Variants in CSMD1 observed in about 807,000 individuals in gnomAD.
CSMD1 encodes the protein CUB and sushi domain-containing protein 1.
CSMD1 carries 213 observed loss-of-function variants against 417.5 expected under a neutral mutation model. That is an observed-to-expected ratio of 0.51 (90% CI 0.46 to 0.57). The LOEUF (loss-of-function observed/expected upper bound fraction) is 0.57. Ranked by LOEUF, CSMD1 falls within the 20% of genes least tolerant of loss-of-function variation. CSMD1 has a pLI of 0.00. For missense variants in CSMD1, 6,923 were observed against 4,529.7 expected (o/e 1.53, Z -15.17); for synonymous variants, 2,862 against 1,736.8 (o/e 1.65, Z -16.11).
At chr8:4,322,271 T>C (rs1799311531) in intron 3 of CSMD1, among the ~76,000 whole-genome samples, 1 of 152,194 alleles carries the variant, frequency 6.6e-6, no homozygotes, top group South Asian at 2.1e-4. Flanking sequence ...AGTTTAAACA[T>C]AAGTGAGACC....
At chr8:4,427,631 T>C (rs998145235) in intron 2 of CSMD1, among the ~76,000 whole-genome samples, 24 of 152,304 alleles carry the variant, frequency 1.6e-4, no homozygotes, top group African/African-American at 5.5e-4. Context: ...TTCCATGTAA[T>C]AATTACATTA....
intron 10 of CSMD1, among the ~76,000 whole-genome samples, chr8:3,571,697 T>G (rs1799949318): frequency 6.6e-6 from 1 of 152,024 alleles, no homozygotes; most frequent in Non-Finnish European, 1.5e-5. Context: ...TCCCCATGCT[T>G]GAGGGTCTTG....
At chr8:4,023,230 G>A (rs1317022910) in intron 4 of CSMD1, among the ~76,000 whole-genome samples, 1 of 152,164 alleles carries the variant, frequency 6.6e-6, no homozygotes, top group Admixed American at 6.5e-5. Flanking sequence ...GTGAAAGGTG[G>A]CCATCTCCAA....
intron 5 of CSMD1, among the ~76,000 whole-genome samples, chr8:3,924,641 C>A (rs139644474): frequency 6.6e-6 from 1 of 152,098 alleles, no homozygotes; most frequent in Non-Finnish European, 1.5e-5. Context: ...GTTGAGTCTG[C>A]TGTTTAAACA....
chr8:4,048,073 G>A (rs1243034879), intron 3 of CSMD1, among the ~76,000 whole-genome samples: 2 of 152,126 alleles, frequency 1.3e-5, no homozygotes, highest in Non-Finnish European at 2.9e-5. Flanking sequence ...AATATTTTGT[G>A]CATTCCTAAT....
At chr8:3,198,538 C>A (rs1407909492) in intron 33 of CSMD1, among the ~76,000 whole-genome samples, 1 of 152,310 alleles carries the variant, frequency 6.6e-6, no homozygotes, top group South Asian at 2.1e-4. Context: ...GCATTAGCAT[C>A]TCCATTCATT....
At chr8:2,998,911 T>C (rs750568865) in intron 53 of CSMD1, among the ~76,000 whole-genome samples, 18 of 152,234 alleles carry the variant, frequency 1.2e-4, no homozygotes, top group African/African-American at 3.9e-4. Context: ...CCCGTGAACT[T>C]TGTACATTTT....
At chr8:4,376,114 T>G (rs1242516345) in intron 3 of CSMD1, among the ~76,000 whole-genome samples, 1 of 152,226 alleles carries the variant, frequency 6.6e-6, no homozygotes, top group African/African-American at 2.4e-5. Context: ...ACTCAGCTTA[T>G]CAAAAGATAT....
intron 12 of CSMD1, among the ~76,000 whole-genome samples, chr8:3,427,693 C>G (rs150424742): frequency 6.6e-6 from 1 of 152,226 alleles, no homozygotes; most frequent in Non-Finnish European, 1.5e-5. Context: ...TCCCTTTTAT[C>G]AACTTTTTTT....
In CSMD1 at chr8:3,054,340, G is replaced by A. The variant is rs540952149; in HGVS notation, c.7475-1693C>T. 1.5e-3 allele frequency among the ~76,000 whole-genome samples: 225 copies of A among 152,304 alleles called. 1 individual carries two copies. Among genetic ancestry groups the A allele is most frequent in the Non-Finnish European group, 2.8e-3 (189 of 68,028 alleles). On this transcript the variant is annotated intron_variant, in intron 49 of 69. Coordinates refer to ENST00000635120, the MANE Select transcript of CSMD1 (RefSeq NM_033225.6). ...CAACCATCAAAAATACATGTGGGCC[G>A]GGCACAGTGGCTCATGCCTGTAATC...
chr8:3,277,544 A>T (rs1393226006), intron 26 of CSMD1, among the ~76,000 whole-genome samples: 2 of 152,152 alleles, frequency 1.3e-5, no homozygotes, highest in African/African-American at 4.8e-5. Flanking sequence ...CAGAGGTCTA[A>T]AAATGGCTCC....
chr8:2,970,744 G>C (rs867505970), intron 57 of CSMD1, among the ~76,000 whole-genome samples: 4 of 152,228 alleles, frequency 2.6e-5, no homozygotes, highest in African/African-American at 9.6e-5. Context: ...ACCCACCATG[G>C]TGCTTTCCAA....
chr8:2,953,003 G>C (rs668789), intron 65 of CSMD1, among the ~76,000 whole-genome samples: 121,826 of 152,168 alleles, frequency 0.8, 48,952 homozygotes, highest in African/African-American at 0.82. Context: ...ATTAGCACTT[G>C]CTTTCCAAGA....
At chr8:4,491,222 A>C (rs1030640078) in intron 2 of CSMD1, among the ~76,000 whole-genome samples, 5 of 152,186 alleles carry the variant, frequency 3.3e-5, no homozygotes, top group African/African-American at 4.8e-5. Context: ...AAATAGATAC[A>C]ACTTCAATAC....
At chr8:4,810,718 T>C (rs1247822133) in intron 1 of CSMD1, among the ~76,000 whole-genome samples, 1 of 152,226 alleles carries the variant, frequency 6.6e-6, no homozygotes, top group Non-Finnish European at 1.5e-5. Context: ...CTGGAAATTT[T>C]CATAATTCAT....
intron 1 of CSMD1, among the ~76,000 whole-genome samples, chr8:4,753,633 A>G (rs1003329477): frequency 6.6e-6 from 1 of 152,164 alleles, no homozygotes; most frequent in Non-Finnish European, 1.5e-5. Flanking sequence ...ACTGTTCCGC[A>G]GCAGGACATG....
chr8:3,319,765 G>A (rs890945027), intron 23 of CSMD1, among the ~76,000 whole-genome samples: 1 of 151,892 alleles, frequency 6.6e-6, no homozygotes, highest in Non-Finnish European at 1.5e-5. Flanking sequence ...CACGTCAGCC[G>A]GGCTATTTTT....
chr8:3,679,553 C>G (rs1799545413), intron 7 of CSMD1, among the ~76,000 whole-genome samples: 1 of 152,152 alleles, frequency 6.6e-6, no homozygotes, highest in South Asian at 2.1e-4. Flanking sequence ...TAGAGACCTA[C>G]AGAGAGACTT....
At chr8:3,588,088 A>T (rs568049125) in intron 8 of CSMD1, among the ~76,000 whole-genome samples, 43 of 150,658 alleles carry the variant, frequency 2.9e-4, no homozygotes, top group African/African-American at 9.7e-4. Context: ...TTTCTTTTAA[A>T]AAATTGTTAT....
Sources: allele counts gnomAD v4.1 joint callset (sites outside exome capture counted in the v4.1 genomes callset), GRCh38; gene constraint gnomAD v4.1.1; transcripts MANE v1.5; gene names NCBI Gene and HGNC (gene_info 2026-07-23, HGNC 2026-07-21).